Variants in SLC19A3 observed in about 807,000 individuals in gnomAD.
SLC19A3 encodes the protein thiamine transporter 2.
A neutral mutation model predicts 40.2 loss-of-function variants in SLC19A3; 31 were observed. That is an observed-to-expected ratio of 0.77 (90% CI 0.58 to 1.04). The LOEUF is 1.04. Ranked by LOEUF, SLC19A3 falls within the 50% of genes least tolerant of loss-of-function variation. The pLI is 0.00. For missense variants in SLC19A3, 592 were observed against 596.7 expected (o/e 0.99, Z 0.08); for synonymous variants, 212 against 227.5 (o/e 0.93, Z 0.61).
At chr2:227,688,043 A>G in intron 5 of SLC19A3, 123 bp downstream of exon 5, 1 of 1,057,418 alleles carries the variant, frequency 9.5e-7, no homozygotes, top group South Asian at 1.3e-5. Context: ...TAATATGATA[A>G]TGAAGGAATT....
At chr2:227,694,238 C>T (rs372906019) in intron 4 of SLC19A3, among the ~76,000 whole-genome samples, 1 of 152,012 alleles carries the variant, frequency 6.6e-6, no homozygotes, top group South Asian at 2.1e-4. Flanking sequence ...AACTCCTGAC[C>T]TCAGGTGATC....
rs757809128 is a variant in SLC19A3, at chr2:227,696,007, A to G, written c.1054T>C (p.Phe352Leu). The G allele has an allele frequency of 3.1e-6, 5 of 1,614,070 alleles. No homozygotes were observed. The African/African-American group carries it at 6.7e-5, about 22-fold the overall frequency. The change falls in exon 4 of 6, where the codon TTC becomes CTC. Residue 352 changes from phenylalanine to leucine, a missense_variant. Transcript: ENST00000644224. ...DLLGELALVV[F>L]SVVNAGSLFL... ...AAAGAACCGGCATTGACAACTGAGA[A>G]GACCACCAGAGCCAGCTCTCCCAGA...
intron 1 of SLC19A3, among the ~76,000 whole-genome samples, chr2:227,708,590 A>AAACC (rs1201732670): frequency 7.7e-6 from 1 of 130,148 alleles, no homozygotes; most frequent in African/African-American, 2.7e-5. Flanking sequence ...ACAAACAAAC[A>AAACC]AACCAAAAAA....
At position 227,702,196 on chromosome 2, in the gene SLC19A3, T is replaced by A. The variant is rs2106332562; in HGVS notation, c.123A>T (p.Gly41=). The A allele has an allele frequency of 6.2e-7, 1 of 1,613,420 alleles. No homozygotes were observed. The highest frequency in any genetic ancestry group is 8.5e-7 in the Non-Finnish European group (1 of 1,179,416). Residue 41 remains glycine, a synonymous_variant, in exon 2 of 6, where the codon GGA becomes GGT. Coordinates refer to ENST00000644224, the MANE Select transcript of SLC19A3 (RefSeq NM_025243.4). ...SEPFLIPYLS[G]PDKNLTSAEI... ...CTGCACTGGTCAGGTTTTTATCTGGTCCAGATAAATATGGGATAAGGAATG... is the reference window on the plus strand; with the variant it reads ...CTGCACTGGTCAGGTTTTTATCTGGACCAGATAAATATGGGATAAGGAATG...
rs1695386437 is a variant in SLC19A3 at position 227,695,420 on chromosome 2, T to C, written c.1172+469A>G. 3 of 172,738 alleles carry C rather than the reference T, an allele frequency of 1.7e-5. No individual in the cohort carries two copies. In the South Asian group the frequency reaches 4.2e-4, roughly 24 times the overall value. The allele number at this position is 172,738 out of a possible 1,614,324, so 10.7% of individuals were successfully genotyped here. A position where few individuals can be genotyped will look rare whatever the true frequency, so the allele number is the denominator to read the frequency against. On this transcript the variant is annotated intron_variant, in intron 4 of 5. Coordinates refer to ENST00000644224, the MANE Select transcript of SLC19A3 (RefSeq NM_025243.4). ...GAGTTTGGGACCAGCCTGAGCAACA[T>C]GGTGAAACCCCATCTCTACAAAATA... is the stretch of plus-strand genomic sequence containing the variant.
Position 227,698,989 on chromosome 2 carries a change from C to T in SLC19A3, c.726G>A (p.Gly242=), listed in dbSNP as rs1231032199. The T allele has an allele frequency of 6.2e-7, 1 of 1,614,070 alleles. No individual in the cohort carries two copies. The highest frequency in any genetic ancestry group is 8.5e-7 in the Non-Finnish European group (1 of 1,180,038). Residue 242 remains glycine (G), a synonymous_variant, in exon 3 of 6, where the codon GGG becomes GGA. Coordinates refer to ENST00000644224, the MANE Select transcript of SLC19A3 (RefSeq NM_025243.4). The stretch of plus-strand genomic sequence containing the variant: ...TGTTCAGCTGGCCCTTATTCAGCTT[C>T]CCTGAAGTGCTGAGTATTTCTGATG... ...KPTSEILSTS[G]KLNKGQLNSL... is the part of the protein sequence containing the mutation.
chr2:227,710,405 A>G (rs1696096202), intron 1 of SLC19A3, among the ~76,000 whole-genome samples: 1 of 152,174 alleles, frequency 6.6e-6, no homozygotes, highest in Non-Finnish European at 1.5e-5. Flanking sequence ...CTACAAAAAT[A>G]CAAAATAAGG....
At chr2:227,707,420 A>G (rs950839588) in intron 1 of SLC19A3, among the ~76,000 whole-genome samples, 5 of 152,026 alleles carry the variant, frequency 3.3e-5, no homozygotes, top group African/African-American at 1.2e-4. Flanking sequence ...CCCTGTCTCT[A>G]CAAAAATACA....
At position 227,684,649 on chromosome 2, in the gene SLC19A3, T is replaced by C. The variant is rs888215981; in HGVS notation, c.*2748A>G. On this transcript the variant is annotated 3_prime_UTR_variant, in exon 6 of 6. Transcript: ENST00000644224. ...CCTCTGATTTTTCTTGTTTGTCTAATTGTGATGCCTAATGCCTCCAGAATA... is the reference window on the plus strand; with the variant it reads ...CCTCTGATTTTTCTTGTTTGTCTAACTGTGATGCCTAATGCCTCCAGAATA... The C allele has an allele frequency of 6.6e-6, 1 of 152,230 alleles. No homozygotes were observed. The highest frequency in any genetic ancestry group is 1.5e-5 in the Non-Finnish European group (1 of 68,162). The allele number at this position is 152,230 out of a possible 1,614,324, so 9.4% of individuals were successfully genotyped here. A position where few individuals can be genotyped will look rare whatever the true frequency, so the allele number is the denominator to read the frequency against.
chr2:227,691,161 C>T (rs575771827), intron 4 of SLC19A3, among the ~76,000 whole-genome samples: 82 of 151,982 alleles, frequency 5.4e-4, no homozygotes, highest in Non-Finnish European at 9.3e-4. Context: ...AACAATATGC[C>T]CCTGAATGAC....
rs181828421 is a variant in SLC19A3, at chr2:227,707,782, C to G, written c.-2-5462G>C. Among the ~76,000 whole-genome samples the G allele has an allele frequency of 1.6e-3, 238 of 152,196 alleles. 1 individual carries two copies. Among genetic ancestry groups the G allele is most frequent in the African/African-American group, 4.9e-3 (203 of 41,534 alleles). ...TCACTCTATTGCCCAGGCTGGAGTC[C>G]AGTGGTGCAATTTCAGCTCACTACA... On this transcript the variant is annotated intron_variant, in intron 1 of 5. Coordinates refer to ENST00000644224, the MANE Select transcript of SLC19A3 (RefSeq NM_025243.4).
intron 4 of SLC19A3, among the ~76,000 whole-genome samples, chr2:227,694,781 G>A (rs749276216): frequency 5.3e-5 from 8 of 152,164 alleles, no homozygotes; most frequent in Non-Finnish European, 7.3e-5. Flanking sequence ...TAGATCTGGC[G>A]TGGTGGCTCA....
At chr2:227,702,445 G>A (rs2106332955) in intron 1 of SLC19A3, 125 bp from the exon 2 acceptor site, 2 of 947,176 alleles carry the variant, frequency 2.1e-6, no homozygotes, top group East Asian at 5.3e-5. Context: ...CCAGGCTGAA[G>A]TGCAGTGGCA....
At chr2:227,695,601 A>G in intron 4 of SLC19A3, 1 of 380,796 alleles carries the variant, frequency 2.6e-6, no homozygotes. Context: ...GAGCCAGGCC[A>G]TCTCTCAAAC....
chr2:227,695,682 C>T (rs1049342342), intron 4 of SLC19A3: 1 of 579,548 alleles, frequency 1.7e-6, no homozygotes, highest in South Asian at 2.1e-5. Context: ...GAGTTTTTTC[C>T]CTTGATGACT....
At chr2:227,716,839 T>C (rs1696349623) in intron 1 of SLC19A3, among the ~76,000 whole-genome samples, 1 of 152,116 alleles carries the variant, frequency 6.6e-6, no homozygotes, top group African/African-American at 2.4e-5. Context: ...ATTGGTATTT[T>C]TGTCCATTTC....
chr2:227,693,378 G>C (rs567104729), intron 4 of SLC19A3, among the ~76,000 whole-genome samples: 4 of 152,228 alleles, frequency 2.6e-5, no homozygotes, highest in African/African-American at 7.2e-5. Flanking sequence ...CATAAAAGCA[G>C]ACATGTAGAC....
chr2:227,707,911 T>C (rs1315847278), intron 1 of SLC19A3, among the ~76,000 whole-genome samples: 2 of 152,220 alleles, frequency 1.3e-5, no homozygotes, highest in Admixed American at 6.5e-5. Flanking sequence ...GTATTTTTAG[T>C]AGAGACGGGA....
intron 1 of SLC19A3, 77 bp from the exon 2 acceptor site, chr2:227,702,397 T>C (rs949354218): frequency 3.1e-6 from 1 of 319,624 alleles, no homozygotes; most frequent in South Asian, 8.5e-5. Flanking sequence ...AAAACCTGAT[T>C]TTTTTTTTTT....
Sources: gnomAD v4.1 joint callset for allele counts (sites outside exome capture counted in the v4.1 genomes callset) on GRCh38, gnomAD v4.1.1 for gene constraint, MANE v1.5 for transcripts, NCBI Gene and HGNC (gene_info 2026-07-23, HGNC 2026-07-21) for gene names.